DAB2IP: variants seen among roughly 807,000 people sequenced by gnomAD.
DAB2IP encodes DAB2 interacting protein.
A neutral mutation model predicts 107.2 loss-of-function variants in DAB2IP; 28 were observed. The ratio of observed to expected loss-of-function variants is 0.26; its 90% CI spans 0.19 to 0.36. The LOEUF (loss-of-function observed/expected upper bound fraction) is 0.36. DAB2IP is among the 10% of genes least tolerant of loss of function. The probability of loss-of-function intolerance (pLI) is 1.00; values close to 1 mark genes in which losing one functional copy is unlikely to be tolerated. For missense variants in DAB2IP, 1,400 were observed against 1,644.7 expected, an observed-to-expected ratio of 0.85 and a Z score of 2.57; for synonymous variants, 755 against 706.4, an observed-to-expected ratio of 1.07 and a Z score of -1.09.
At chr9:121,671,105 C>T (rs1402105142) in intron 1 of DAB2IP, among the ~76,000 whole-genome samples, 4 of 152,036 alleles carry the variant, frequency 2.6e-5, no homozygotes, top group Non-Finnish European at 4.4e-5. Context: ...GAGCCGAGAT[C>T]GTGCCACTGC....
At chr9:121,600,090 G>C (rs1478528297) in intron 1 of DAB2IP, among the ~76,000 whole-genome samples, 1 of 152,238 alleles carries the variant, frequency 6.6e-6, no homozygotes, top group East Asian at 1.9e-4. Context: ...CCCAGCTGGG[G>C]CCCGCGGGCG....
intron 1 of DAB2IP, among the ~76,000 whole-genome samples, chr9:121,622,611 GGTA>G (rs1250691393): frequency 1.3e-5 from 2 of 152,188 alleles, no homozygotes; most frequent in African/African-American, 4.8e-5. Context: ...TCTCTCGGGA[GGTA>G]AGATTTCCAC....
At chr9:121,585,141 C>G (rs986543164) in intron 1 of DAB2IP, among the ~76,000 whole-genome samples, 13 of 152,180 alleles carry the variant, frequency 8.5e-5, no homozygotes, top group African/African-American at 2.9e-4. Flanking sequence ...CTGCATTGAA[C>G]TTGGCCAAAT....
chr9:121,740,252 C>T (rs1216276242), intron 3 of DAB2IP, among the ~76,000 whole-genome samples: 1 of 152,144 alleles, frequency 6.6e-6, no homozygotes, highest in Non-Finnish European at 1.5e-5. Flanking sequence ...TTCAGGAGCG[C>T]CGATAGGCCC....
At position 121,760,897 on chromosome 9, in the gene DAB2IP, C is replaced by A. The variant is rs1441262372; in HGVS notation, c.1170+458C>A. 6.6e-6 allele frequency among the ~76,000 whole-genome samples: 1 copy of A among 152,200 alleles called. No homozygotes were observed. The highest frequency in any genetic ancestry group is 1.5e-5 in the Non-Finnish European group (1 of 68,046). ...AGATGAGCCTCCCTCACAGCTCTAC[C>A]TCACCCCACACTCTCACCCAGACAC... is the stretch of plus-strand genomic sequence containing the variant. On this transcript the variant is annotated intron_variant, in intron 6 of 15. Transcript: ENST00000408936. The surrounding 1 kb of genome is among the most constrained non-coding windows in gnomAD (Gnocchi z 5.9).
chr9:121,574,249 C>T (rs990879488), intron 1 of DAB2IP, among the ~76,000 whole-genome samples: 2 of 152,154 alleles, frequency 1.3e-5, no homozygotes, highest in African/African-American at 4.8e-5. Flanking sequence ...GAGGCCTCCT[C>T]CTGGCTCTGC....
intron 10 of DAB2IP, among the ~76,000 whole-genome samples, chr9:121,768,844 C>T (rs1191142244): frequency 6.6e-6 from 1 of 152,252 alleles, no homozygotes; most frequent in Non-Finnish European, 1.5e-5. Context: ...GGCTGCCCCA[C>T]TCTGGGTACT....
Position 121,651,699 on chromosome 9 carries a change from C to T in DAB2IP, c.-77C>T. On this transcript the variant is annotated 5_prime_UTR_variant, in exon 1 of 16. Transcript: ENST00000408936. The surrounding 1 kb of genome is among the most constrained non-coding windows in gnomAD (Gnocchi z 5.1). ...GAGCGCGGGAGAACGCGTGGGCGCCCGCCGGGCTGTCCGGAGCGGCCGATG... is the reference window on the plus strand; with the variant it reads ...GAGCGCGGGAGAACGCGTGGGCGCCTGCCGGGCTGTCCGGAGCGGCCGATG... 8.8e-7 allele frequency: 1 copy of T among 1,142,344 alleles called. No individual in the cohort carries two copies. The highest frequency in any genetic ancestry group is 1.1e-6 in the Non-Finnish European group (1 of 931,474). 70.8% of individuals were successfully genotyped at this position (1,142,344 alleles called of 1,614,324 possible). A position where few individuals can be genotyped will look rare whatever the true frequency, so the allele number is the denominator to read the frequency against.
At chr9:121,696,621 C>T (rs1226293049) in intron 2 of DAB2IP, among the ~76,000 whole-genome samples, 1 of 152,124 alleles carries the variant, frequency 6.6e-6, no homozygotes, top group Non-Finnish European at 1.5e-5. Flanking sequence ...CAGAGCAGAG[C>T]AGAGGACTGG....
intron 1 of DAB2IP, among the ~76,000 whole-genome samples, chr9:121,655,004 G>A (rs1306033514): frequency 1.3e-5 from 2 of 152,146 alleles, no homozygotes; most frequent in Non-Finnish European, 2.9e-5. Context: ...TGTGAGTGAG[G>A]GACAGTATCT....
chr9:121,595,863 C>T (rs1055143612), intron 1 of DAB2IP, among the ~76,000 whole-genome samples: 3 of 152,112 alleles, frequency 2.0e-5, no homozygotes, highest in Non-Finnish European at 4.4e-5. Flanking sequence ...CCACCAGTCA[C>T]GTAGTTTGTG....
chr9:121,620,217 A>G (rs1049885321), intron 1 of DAB2IP, among the ~76,000 whole-genome samples: 4 of 152,198 alleles, frequency 2.6e-5, no homozygotes, highest in Non-Finnish European at 4.4e-5. Flanking sequence ...TGCTGGAGGA[A>G]GTTGCTGGAG....
intron 3 of DAB2IP, among the ~76,000 whole-genome samples, chr9:121,712,155 G>A (rs901081166): frequency 6.6e-6 from 1 of 152,222 alleles, no homozygotes; most frequent in African/African-American, 2.4e-5. Flanking sequence ...GAGAGGAGAG[G>A]GCACTGGGTT....
At position 121,699,383 on chromosome 9, in the gene DAB2IP, T is replaced by C. The variant is rs1298884456; in HGVS notation, c.287T>C (p.Leu96Pro). The C allele has an allele frequency of 6.8e-7, 1 of 1,469,204 alleles. No homozygotes were observed. Among genetic ancestry groups the C allele is most frequent in the Non-Finnish European group, 9.1e-7 (1 of 1,099,604 alleles). 91.0% of individuals were successfully genotyped at this position (1,469,204 alleles called of 1,614,324 possible). Residue 96 changes from leucine to proline, a missense_variant, in exon 3 of 16, where the codon CTG becomes CCG. Transcript: ENST00000408936. This position sits in a 1 kb window ranked among gnomAD's most constrained non-coding sequence, Gnocchi z 6.2. ...AAGCGCACCAAGAGCCAGCCCAAGC[T>C]GGACCGCAACCACAGCTTCCGCCAC...
At chr9:121,577,106 A>C (rs527519956) in intron 1 of DAB2IP, among the ~76,000 whole-genome samples, 2 of 152,272 alleles carry the variant, frequency 1.3e-5, no homozygotes, top group Non-Finnish European at 2.9e-5. Flanking sequence ...TGGGAGCCAC[A>C]TCCCTCCATG....
Position 121,782,745 on chromosome 9 carries a change from G to A in DAB2IP, c.*247G>A. On this transcript the variant is annotated 3_prime_UTR_variant, in exon 16 of 16. Transcript: ENST00000408936. This position sits in a 1 kb window ranked among gnomAD's most constrained non-coding sequence, Gnocchi z 6.1. ...CAGAAGAGACTGCACGCTGGGGAGT[G>A]GGGACAGCCTGATGGGGCAGGGGGC... 1.0e-5 allele frequency: 14 copies of A among 1,363,890 alleles called. No homozygotes were observed. Among genetic ancestry groups the A allele is most frequent in the Non-Finnish European group, 1.3e-5 (14 of 1,058,750 alleles). 84.5% of individuals were successfully genotyped at this position (1,363,890 alleles called of 1,614,324 possible).
chr9:121,724,494 G>A (rs950190426), intron 3 of DAB2IP, among the ~76,000 whole-genome samples: 3 of 152,188 alleles, frequency 2.0e-5, no homozygotes, highest in Non-Finnish European at 4.4e-5. Context: ...TAGCTGTTGA[G>A]TTCACCTGAT....
intron 1 of DAB2IP, among the ~76,000 whole-genome samples, chr9:121,584,128 A>G (rs1830264928): frequency 6.6e-6 from 1 of 152,208 alleles, no homozygotes; most frequent in African/African-American, 2.4e-5. Flanking sequence ...CAGTGAGTTG[A>G]GATCGTGCCA....
intron 3 of DAB2IP, among the ~76,000 whole-genome samples, chr9:121,705,400 G>A (rs866735711): frequency 3.7e-4 from 56 of 152,238 alleles, no homozygotes; most frequent in African/African-American, 1.3e-3. Flanking sequence ...TATGGGGTGA[G>A]ACTGTATAAA....
Sources: allele counts gnomAD v4.1 joint callset (sites outside exome capture counted in the v4.1 genomes callset), GRCh38; gene constraint gnomAD v4.1.1; non-coding constraint Gnocchi (gnomAD v3.1); transcripts MANE v1.5; gene names NCBI Gene and HGNC (gene_info 2026-07-23, HGNC 2026-07-21).